The following SGCD variants were observed in gnomAD, a reference collection of about 807,000 sequenced individuals.
The protein encoded by SGCD is delta-sarcoglycan.
SGCD carries 18 observed loss-of-function variants against 36.6 expected under a neutral mutation model. The ratio of observed to expected loss-of-function variants is 0.49; its 90% CI spans 0.34 to 0.73. The LOEUF (loss-of-function observed/expected upper bound fraction) is 0.73. Among genes scored for constraint, SGCD ranks in the 30% least tolerant of loss-of-function variants. The probability of loss-of-function intolerance (pLI) is 0.01; values close to 1 mark genes in which losing one functional copy is unlikely to be tolerated. For missense variants in SGCD, 387 were observed against 346.7 expected, an observed-to-expected ratio of 1.12 and a Z score of -0.92; for synonymous variants, 133 against 130.6, an observed-to-expected ratio of 1.02 and a Z score of -0.12.
chr5:156,003,793 A>G (rs1467236927), intron 1 of SGCD, among the ~76,000 whole-genome samples: 1 of 152,204 alleles, frequency 6.6e-6, no homozygotes, highest in Non-Finnish European at 1.5e-5. Flanking sequence ...AATGATCCTC[A>G]GGGCCCCCAT....
chr5:156,149,262 T>C (rs1762777339), intron 3 of SGCD, among the ~76,000 whole-genome samples: 1 of 152,202 alleles, frequency 6.6e-6, no homozygotes, highest in Non-Finnish European at 1.5e-5. Context: ...TTACAAACAA[T>C]CCAATTATAC....
At chr5:155,804,402 A>T in the SGCD span, among the ~76,000 whole-genome samples, 6 of 152,350 alleles carry the variant, frequency 3.9e-5, no homozygotes, top group South Asian at 1.2e-3. Context: ...TCTTAACCTT[A>T]GACACTATGC....
chr5:156,255,462 A>G (rs993664976), intron 3 of SGCD, among the ~76,000 whole-genome samples: 2 of 152,150 alleles, frequency 1.3e-5, no homozygotes, highest in African/African-American at 4.8e-5. Flanking sequence ...AACTGGCACA[A>G]TGTGCATAAA....
the SGCD span, among the ~76,000 whole-genome samples, chr5:155,747,719 TGATAA>T: frequency 2.6e-5 from 4 of 152,208 alleles, no homozygotes; most frequent in South Asian, 8.3e-4. Context: ...TGTCAGATTA[TGATAA>T]GATAATATTT....
At chr5:155,801,097 G>T in the SGCD span, among the ~76,000 whole-genome samples, 1 of 152,072 alleles carries the variant, frequency 6.6e-6, no homozygotes, top group Non-Finnish European at 1.5e-5. Context: ...AGGAAGATTG[G>T]AACTGATCCA....
At chr5:156,617,861 C>T (rs1440394230) in intron 6 of SGCD, among the ~76,000 whole-genome samples, 1 of 141,944 alleles carries the variant, frequency 7.0e-6, no homozygotes, top group Non-Finnish European at 1.5e-5. Flanking sequence ...TGCTTTTCCT[C>T]ACCCACTCTG....
chr5:156,008,429 G>A (rs1472857806), intron 1 of SGCD, among the ~76,000 whole-genome samples: 3 of 152,076 alleles, frequency 2.0e-5, no homozygotes, highest in South Asian at 2.1e-4. Flanking sequence ...AGGCTGGAGT[G>A]CAGTAGCACG....
At chr5:155,882,123 T>C (rs1755899942) in intron 1 of SGCD, among the ~76,000 whole-genome samples, 1 of 152,186 alleles carries the variant, frequency 6.6e-6, no homozygotes, top group Non-Finnish European at 1.5e-5. Flanking sequence ...TTTTCTTTTT[T>C]TTGAGACAGA....
At chr5:156,178,424 A>T (rs1330776179) in intron 3 of SGCD, among the ~76,000 whole-genome samples, 1 of 152,254 alleles carries the variant, frequency 6.6e-6, no homozygotes, top group East Asian at 1.9e-4. Context: ...CTTTCAGAGC[A>T]GGACTATACG....
intron 7 of SGCD, among the ~76,000 whole-genome samples, chr5:156,698,559 G>A (rs958439062): frequency 5.3e-5 from 8 of 152,182 alleles, no homozygotes; most frequent in Admixed American, 3.3e-4. Flanking sequence ...TGAACAGATG[G>A]TATTCGGCTT....
At chr5:156,224,087 G>A (rs1385845814) in intron 3 of SGCD, among the ~76,000 whole-genome samples, 3 of 151,772 alleles carry the variant, frequency 2.0e-5, no homozygotes, top group Admixed American at 1.3e-4. Context: ...TATAAAATGG[G>A]CATTATGCTA....
Position 156,746,687 on chromosome 5 carries a change from T to G in SGCD, c.576-10894T>G, listed in dbSNP as rs1756950738. Among the ~76,000 whole-genome samples the G allele has an allele frequency of 2.0e-5, 3 of 152,156 alleles. No individual in the cohort carries two copies. In the South Asian group the frequency reaches 6.2e-4, roughly 32 times the overall value. On this transcript the variant is annotated intron_variant, in intron 7 of 8. Coordinates refer to ENST00000337851, the MANE Select transcript of SGCD (RefSeq NM_000337.6). ...AACTGGATAAACCTATTAGAAAAAA[T>G]GAACACTATTCTTAAAAATTAATTC...
At chr5:156,191,164 C>T (rs985923500) in intron 3 of SGCD, among the ~76,000 whole-genome samples, 1 of 152,018 alleles carries the variant, frequency 6.6e-6, no homozygotes, top group African/African-American at 2.4e-5. Context: ...GATAACTCAG[C>T]ATTACCCGGT....
chr5:156,061,412 A>G lies in SGCD; in HGVS notation c.-281-56466A>G, dbSNP rs747760907. ...TAGGCTCCCTTCATGGTTTCTTACC[A>G]TAGAAACCAAATGTGACAGGCTAAT... On this transcript the variant is annotated intron_variant, in intron 1 of 9. Coordinates refer to the SGCD transcript ENST00000517913. Among the ~76,000 whole-genome samples, 21 of 146,158 alleles carry G rather than the reference A, an allele frequency of 1.4e-4. 3 individuals carry two copies. Among genetic ancestry groups the G allele is most frequent in the Non-Finnish European group, 2.3e-4 (15 of 64,846 alleles).
intron 3 of SGCD, among the ~76,000 whole-genome samples, chr5:156,317,000 C>T (rs1767533299): frequency 6.6e-6 from 1 of 151,362 alleles, no homozygotes; most frequent in Non-Finnish European, 1.5e-5. Flanking sequence ...TCTAGAGTTA[C>T]AACAATGAGT....
chr5:155,738,126 A>T, the SGCD span, among the ~76,000 whole-genome samples: 1 of 152,194 alleles, frequency 6.6e-6, no homozygotes, highest in Non-Finnish European at 1.5e-5. Context: ...AGGCATTAAC[A>T]TAAGGACTGA....
intron 1 of SGCD, among the ~76,000 whole-genome samples, chr5:156,095,773 G>T (rs535425995): frequency 6.6e-6 from 1 of 152,302 alleles, no homozygotes; most frequent in South Asian, 2.1e-4. Flanking sequence ...GCTGGGTAAA[G>T]AGTCCCACAG....
chr5:155,751,872 A>G, the SGCD span, among the ~76,000 whole-genome samples: 1 of 152,162 alleles, frequency 6.6e-6, no homozygotes, highest in Non-Finnish European at 1.5e-5. Context: ...GCAGGCTGGG[A>G]TAGTACAACG....
chr5:155,728,818 C>T, the SGCD span, among the ~76,000 whole-genome samples: 5 of 152,210 alleles, frequency 3.3e-5, no homozygotes, highest in Admixed American at 3.3e-4. Flanking sequence ...ACCCGGGCGG[C>T]GCGCCCTCTG....
Sources: allele counts gnomAD v4.1 joint callset (sites outside exome capture counted in the v4.1 genomes callset), GRCh38; gene constraint gnomAD v4.1.1; transcripts MANE v1.5; gene names NCBI Gene and HGNC (gene_info 2026-07-23, HGNC 2026-07-21).